The following LURAP1L variants were observed in gnomAD, a reference collection of about 807,000 sequenced individuals.
The protein encoded by LURAP1L is leucine rich adaptor protein 1-like.
In LURAP1L, 12 loss-of-function variants were observed where a neutral mutation model predicts 13.8. The ratio of observed to expected loss-of-function variants is 0.87; its 90% CI spans 0.56 to 1.41. The LOEUF is 1.41. Ranked by LOEUF, LURAP1L falls within the 40% of genes most tolerant of loss-of-function variation. The pLI is 0.00. For missense variants in LURAP1L, 375 were observed against 292.9 expected, an observed-to-expected ratio of 1.28 and a Z score of -2.04; for synonymous variants, 139 against 119.2, an observed-to-expected ratio of 1.17 and a Z score of -1.08.
In LURAP1L at chr9:12,812,562, G is replaced by A. The variant is rs571375710; in HGVS notation, c.313-8824G>A. On this transcript the variant is annotated intron_variant, in intron 1 of 1. Transcript: ENST00000319264. ...AAAGCACTACTGGGCTGCACATAGCGTGTAGGAAATAGAATTGGGAGAATG... is the reference window on the plus strand; with the variant it reads ...AAAGCACTACTGGGCTGCACATAGCATGTAGGAAATAGAATTGGGAGAATG... Among the ~76,000 whole-genome samples, 98 of 152,272 alleles carry A rather than the reference G, an allele frequency of 6.4e-4. 2 individuals carry two copies. The South Asian group carries it at 0.016, about 24-fold the overall frequency.
At chr9:12,814,513 A>G (rs1175705650) in intron 1 of LURAP1L, among the ~76,000 whole-genome samples, 1 of 152,226 alleles carries the variant, frequency 6.6e-6, no homozygotes, top group Non-Finnish European at 1.5e-5. Flanking sequence ...AGGAATTGAC[A>G]TCACAGGCAT....
intron 1 of LURAP1L, 59 bp from the exon 2 acceptor site, chr9:12,821,327 T>G (rs1014801939): frequency 6.5e-7 from 1 of 1,541,446 alleles, no homozygotes. Flanking sequence ...CCAGATGAAT[T>G]TGAGGCCTTT....
intron 1 of LURAP1L, among the ~76,000 whole-genome samples, chr9:12,799,575 T>C (rs1348246272): frequency 1.3e-5 from 2 of 152,170 alleles, no homozygotes; most frequent in East Asian, 3.9e-4. Context: ...CATCCTTGAA[T>C]GTGGAAGACA....
rs67654649 is a variant in LURAP1L, at chr9:12,786,547, CATATATATATATAT to C, written c.312+10542_312+10555del. On this transcript the variant is annotated intron_variant, in intron 1 of 1. Coordinates refer to ENST00000319264, the MANE Select transcript of LURAP1L (RefSeq NM_203403.2). ...AAATGGCTAACATGTATATATATGACATATATATATATATATATATATATATATATATATAAACC... is the reference window on the plus strand; with the variant it reads ...AAATGGCTAACATGTATATATATGACATATATATATATATATATATAAACC... Among the ~76,000 whole-genome samples the C allele has an allele frequency of 1.2e-3, 66 of 53,034 alleles. 1 individual carries two copies. The highest frequency in any genetic ancestry group is 0.013 in the Middle Eastern group (1 of 76). 34.8% of individuals were successfully genotyped at this position (53,034 alleles called of 152,430 possible). A position where few individuals can be genotyped will look rare whatever the true frequency, so the allele number is the denominator to read the frequency against.
intron 1 of LURAP1L, among the ~76,000 whole-genome samples, chr9:12,779,092 C>G (rs1354494731): frequency 6.6e-6 from 1 of 152,120 alleles, no homozygotes; most frequent in African/African-American, 2.4e-5. Flanking sequence ...CTCATTCTCT[C>G]TCTCTCAAAA....
intron 1 of LURAP1L, among the ~76,000 whole-genome samples, chr9:12,804,667 A>C (rs1474560954): frequency 6.6e-6 from 1 of 152,176 alleles, no homozygotes; most frequent in African/African-American, 2.4e-5. Context: ...TCTATCAAAA[A>C]AATTTTTTTT....
At chr9:12,799,077 T>G in intron 1 of LURAP1L, among the ~76,000 whole-genome samples, 1 of 152,122 alleles carries the variant, frequency 6.6e-6, no homozygotes, top group East Asian at 1.9e-4. Flanking sequence ...ATAATAAAAA[T>G]ATTTTCCTAT....
chr9:12,776,159 G>A (rs902393345), intron 1 of LURAP1L, 132 bp downstream of exon 1: 1 of 936,364 alleles, frequency 1.1e-6, no homozygotes, highest in Non-Finnish European at 1.6e-6. Context: ...GGAAATGCTG[G>A]GTGGAGGAAT....
chr9:12,803,007 A>G (rs1477759587), intron 1 of LURAP1L, among the ~76,000 whole-genome samples: 2 of 152,146 alleles, frequency 1.3e-5, no homozygotes, highest in African/African-American at 4.8e-5. Flanking sequence ...AGAAAAATGA[A>G]TCCATACTTA....
chr9:12,796,655 GATTT>G (rs1368153875), intron 1 of LURAP1L, among the ~76,000 whole-genome samples: 1 of 151,772 alleles, frequency 6.6e-6, no homozygotes, highest in Non-Finnish European at 1.5e-5. Context: ...TGCAATTCTT[GATTT>G]ATTTTTCTTT....
chr9:12,821,403 A>T lies in LURAP1L; in HGVS notation c.330A>T (p.Thr110=). 6.2e-7 allele frequency: 1 copy of T among 1,613,342 alleles called. No individual in the cohort carries two copies. The highest frequency in any genetic ancestry group is 8.5e-7 in the Non-Finnish European group (1 of 1,179,316). ...LRQEMVNLRA[T]DVRLMRQLLV... ...GTCCATAGGTTAACCTCAGAGCCACAGACGTCAGGCTCATGCGCCAGTTGC... is the reference window on the plus strand; with the variant it reads ...GTCCATAGGTTAACCTCAGAGCCACTGACGTCAGGCTCATGCGCCAGTTGC... Residue 110 remains threonine, a synonymous_variant, in exon 2 of 2, where the codon ACA becomes ACT. Transcript: ENST00000319264.
At position 12,799,829 on chromosome 9, in the gene LURAP1L, G is replaced by C. The variant is rs555400159; in HGVS notation, c.313-21557G>C. 8.7e-4 allele frequency among the ~76,000 whole-genome samples: 128 copies of C among 147,896 alleles called. 1 individual carries two copies. Among genetic ancestry groups the C allele is most frequent in the Non-Finnish European group, 1.4e-3 (92 of 67,500 alleles). The stretch of plus-strand genomic sequence containing the variant: ...GCGGAGCTTGCAGTGAGCTGAGATC[G>C]TGCCACTGCACTCCAGCCTGGGCGA... On this transcript the variant is annotated intron_variant, in intron 1 of 1. Coordinates refer to ENST00000319264, the MANE Select transcript of LURAP1L (RefSeq NM_203403.2).
At chr9:12,797,941 A>G (rs1351296729) in intron 1 of LURAP1L, among the ~76,000 whole-genome samples, 1 of 152,130 alleles carries the variant, frequency 6.6e-6, no homozygotes, top group Non-Finnish European at 1.5e-5. Context: ...TATTTATGGA[A>G]CCAACTTCAA....
At position 12,783,733 on chromosome 9, in the gene LURAP1L, G is replaced by A. The variant is rs146967592; in HGVS notation, c.312+7706G>A. Among the ~76,000 whole-genome samples, 1,457 of 151,056 alleles carry A rather than the reference G, an allele frequency of 9.6e-3. 13 individuals carry two copies. The highest frequency in any genetic ancestry group is 0.018 in the Admixed American group (279 of 15,184). ...CTGGCCTAATAGACTGAGTTTAGAAGTATTCTCTCCTCTGTTTTTTGGAAT... is the reference window on the plus strand; with the variant it reads ...CTGGCCTAATAGACTGAGTTTAGAAATATTCTCTCCTCTGTTTTTTGGAAT... On this transcript the variant is annotated intron_variant, in intron 1 of 1. Transcript: ENST00000319264.
intron 1 of LURAP1L, among the ~76,000 whole-genome samples, chr9:12,786,408 T>A (rs1027121696): frequency 6.6e-6 from 1 of 151,266 alleles, no homozygotes; most frequent in Non-Finnish European, 1.5e-5. Context: ...TTCTTCAATA[T>A]GAAAAAATTA....
chr9:12,800,501 G>T (rs1262201633), intron 1 of LURAP1L, among the ~76,000 whole-genome samples: 1 of 149,954 alleles, frequency 6.7e-6, no homozygotes, highest in African/African-American at 2.5e-5. Context: ...ATTATATCAG[G>T]AAGTTCATAG....
At chr9:12,776,512 C>G (rs1414662506) in intron 1 of LURAP1L, among the ~76,000 whole-genome samples, 2 of 152,020 alleles carry the variant, frequency 1.3e-5, no homozygotes, top group Admixed American at 6.5e-5. Context: ...TTCCTCCTAG[C>G]TCACCCTTCC....
chr9:12,787,028 G>C (rs983532308), intron 1 of LURAP1L, among the ~76,000 whole-genome samples: 1 of 152,056 alleles, frequency 6.6e-6, no homozygotes, highest in Non-Finnish European at 1.5e-5. Flanking sequence ...TTTGACACAA[G>C]CATCTGTAAC....
At chr9:12,819,322 A>AT (rs1237514816) in intron 1 of LURAP1L, among the ~76,000 whole-genome samples, 1 of 152,150 alleles carries the variant, frequency 6.6e-6, no homozygotes, top group East Asian at 1.9e-4. Context: ...TCATAGATAT[A>AT]TTTTTATTCT....
Sources: allele counts gnomAD v4.1 joint callset (sites outside exome capture counted in the v4.1 genomes callset), GRCh38; gene constraint gnomAD v4.1.1; transcripts MANE v1.5; gene names NCBI Gene and HGNC (gene_info 2026-07-23, HGNC 2026-07-21).